SV2B: variants seen among roughly 807,000 people sequenced by gnomAD.
SV2B encodes solute carrier family 22 member B2.
SV2B carries 41 observed loss-of-function variants against 73.9 expected under a neutral mutation model. The ratio of observed to expected loss-of-function variants is 0.56; its 90% CI spans 0.43 to 0.72. The LOEUF is 0.72. SV2B is among the 30% of genes least tolerant of loss of function. SV2B has a pLI of 0.00. For missense variants in SV2B, 764 were observed against 857.8 expected (o/e 0.89, Z 1.37); for synonymous variants, 314 against 314.2 (o/e 1.00, Z 0.01).
Position 91,127,526 on chromosome 15 carries a change from A to G in SV2B, c.-392+27163A>G, listed in dbSNP as rs2042521928. Among the ~76,000 whole-genome samples, 4 of 152,156 alleles carry G rather than the reference A, an allele frequency of 2.6e-5. No homozygotes were observed. The South Asian group carries it at 8.3e-4, about 32-fold the overall frequency. ...CAGGAAGGCTCAGTAGGGGTTTAGA[A>G]AGCAGATTGTCCACACTGTCCTGAT... is the stretch of plus-strand genomic sequence containing the variant. On this transcript the variant is annotated intron_variant, in intron 1 of 12. Transcript: ENST00000394232.
intron 1 of SV2B, among the ~76,000 whole-genome samples, chr15:91,191,054 TTGGTGTTTC>T (rs1433342784): frequency 3.4e-5 from 5 of 145,304 alleles, no homozygotes; most frequent in African/African-American, 5.2e-5. Flanking sequence ...GGTGGTTTTT[TTGGTGTTTC>T]TTTTTTTTTT....
chr15:91,221,693 G>GCGCGCGCGCACACACACACA (rs370290337), intron 1 of SV2B, among the ~76,000 whole-genome samples: 151 of 140,148 alleles, frequency 1.1e-3, no homozygotes, highest in African/African-American at 3.3e-3. Flanking sequence ...AAGCATGTGC[G>GCGCGCGCGCACACACACACA]CACACACACA....
In SV2B at chr15:91,292,580, G is replaced by A. The variant is rs1397472296; in HGVS notation, c.*28G>A. 1.2e-6 allele frequency: 2 copies of A among 1,601,126 alleles called. No homozygotes were observed. The highest frequency in any genetic ancestry group is 2.0e-4 in the Middle Eastern group (1 of 4,904). On this transcript the variant is annotated 3_prime_UTR_variant, in exon 13 of 13. Transcript: ENST00000394232. ...AACCTATGGGAAAAGGAAAGGTCGA[G>A]AGAATCTTGTCCAGGACACTGAAAT...
rs568513278 is a variant in SV2B at position 91,105,127 on chromosome 15, G to A, written c.-392+4764G>A. Among the ~76,000 whole-genome samples, 28 of 152,260 alleles carry A rather than the reference G, an allele frequency of 1.8e-4. No homozygotes were observed. The highest frequency in any genetic ancestry group is 6.5e-4 in the African/African-American group (27 of 41,544). ...TTATTGAGTGGTCTCTATGTGCCAG[G>A]CATGTTATAGGAAGTAGACCCATCT... On this transcript the variant is annotated intron_variant, in intron 1 of 12. Transcript: ENST00000394232. This position sits in a 1 kb window ranked among gnomAD's most constrained non-coding sequence, Gnocchi z 5.5.
intron 1 of SV2B, among the ~76,000 whole-genome samples, chr15:91,126,127 G>T (rs193267560): frequency 6.6e-6 from 1 of 152,190 alleles, no homozygotes; most frequent in Non-Finnish European, 1.5e-5. Flanking sequence ...TTGGCACTGA[G>T]TTCCAAATAC....
Position 91,146,142 on chromosome 15 carries a change from C to A in SV2B, c.-392+45779C>A, listed in dbSNP as rs147570128. 5.3e-3 allele frequency among the ~76,000 whole-genome samples: 811 copies of A among 152,222 alleles called. 5 individuals carry two copies. Among genetic ancestry groups the A allele is most frequent in the African/African-American group, 0.018 (767 of 41,528 alleles). Reference sequence around the variant, plus strand: ...GTTTACATTTACATCTTTAATACACCTTGAGTTAATTTTTGTATATGGTGT... The same window carrying A: ...GTTTACATTTACATCTTTAATACACATTGAGTTAATTTTTGTATATGGTGT... On this transcript the variant is annotated intron_variant, in intron 1 of 12. Coordinates refer to ENST00000394232, the MANE Select transcript of SV2B (RefSeq NM_001323032.3).
At chr15:91,176,669 T>G (rs552716163) in intron 1 of SV2B, among the ~76,000 whole-genome samples, 10 of 151,880 alleles carry the variant, frequency 6.6e-5, no homozygotes, top group Admixed American at 2.6e-4. Context: ...TCATGTGTCT[T>G]TTGGCTGCAT....
intron 1 of SV2B, among the ~76,000 whole-genome samples, chr15:91,218,623 G>A (rs998359810): frequency 4.6e-5 from 7 of 151,962 alleles, no homozygotes; most frequent in African/African-American, 7.3e-5. Context: ...ACATTTTCTC[G>A]GGCTTTGTCC....
chr15:91,173,656 C>T (rs1339864709), intron 1 of SV2B, among the ~76,000 whole-genome samples: 3 of 152,162 alleles, frequency 2.0e-5, no homozygotes, highest in Non-Finnish European at 4.4e-5. Context: ...AGTGGTTGCC[C>T]AGTTCCAACC....
chr15:91,209,995 A>T (rs565016402), intron 1 of SV2B, among the ~76,000 whole-genome samples: 6 of 152,118 alleles, frequency 3.9e-5, no homozygotes, highest in African/African-American at 1.2e-4. Context: ...GGGGAAGAGA[A>T]TGGGGAGATG....
chr15:91,209,193 T>C (rs1596588239), intron 1 of SV2B, among the ~76,000 whole-genome samples: 1 of 148,808 alleles, frequency 6.7e-6, no homozygotes, highest in East Asian at 2.0e-4. Context: ...ATGATCTCAG[T>C]TCACTGCAAC....
At chr15:91,168,561 T>A (rs879335151) in intron 1 of SV2B, among the ~76,000 whole-genome samples, 13 of 152,276 alleles carry the variant, frequency 8.5e-5, no homozygotes, top group Middle Eastern at 6.8e-3. Flanking sequence ...TTTCCAGTCT[T>A]CTGGCTAGAA....
At chr15:91,189,807 T>G (rs1290742768) in intron 1 of SV2B, among the ~76,000 whole-genome samples, 1 of 152,110 alleles carries the variant, frequency 6.6e-6, no homozygotes, top group Non-Finnish European at 1.5e-5. Flanking sequence ...GCTAACACAG[T>G]GAAACACTAT....
chr15:91,260,796 C>A (rs905144228), intron 6 of SV2B, among the ~76,000 whole-genome samples: 3 of 152,182 alleles, frequency 2.0e-5, no homozygotes, highest in Non-Finnish European at 4.4e-5. Flanking sequence ...AAAGGCACTT[C>A]TTACATGGTG....
intron 1 of SV2B, among the ~76,000 whole-genome samples, chr15:91,171,620 C>T (rs1596516675): frequency 6.6e-6 from 1 of 152,130 alleles, no homozygotes; most frequent in East Asian, 1.9e-4. Flanking sequence ...TGCCTACAGT[C>T]ATAAAACATA....
intron 1 of SV2B, among the ~76,000 whole-genome samples, chr15:91,195,582 G>T (rs2045217067): frequency 6.6e-6 from 1 of 152,202 alleles, no homozygotes; most frequent in South Asian, 2.1e-4. Flanking sequence ...AAATTGCTTT[G>T]AAAATGAAGC....
intron 1 of SV2B, among the ~76,000 whole-genome samples, chr15:91,178,382 C>G (rs8023278): frequency 0.73 from 108,170 of 147,768 alleles, 40,733 homozygotes; most frequent in African/African-American, 0.91. Context: ...GCCAGCCTTT[C>G]GTATCAGGAG....
At chr15:91,263,633 C>T (rs565848842) in intron 6 of SV2B, among the ~76,000 whole-genome samples, 64 of 151,628 alleles carry the variant, frequency 4.2e-4, no homozygotes, top group Middle Eastern at 6.8e-3. Context: ...AACACACAGA[C>T]GCACATTAAG....
chr15:91,254,234 C>CTTCTTTTT (rs1272630977), intron 4 of SV2B, among the ~76,000 whole-genome samples: 1 of 127,294 alleles, frequency 7.9e-6, no homozygotes. Flanking sequence ...ATTTTCACTT[C>CTTCTTTTT]TTTTTTTTTT....
Sources: gnomAD v4.1 joint callset for allele counts (sites outside exome capture counted in the v4.1 genomes callset) on GRCh38, gnomAD v4.1.1 for gene constraint, Gnocchi (gnomAD v3.1) non-coding constraint, MANE v1.5 for transcripts, NCBI Gene and HGNC (gene_info 2026-07-23, HGNC 2026-07-21) for gene names.